TRPC5: variants seen among roughly 807,000 people sequenced by gnomAD.
The protein encoded by TRPC5 is transient receptor potential cation channel subfamily C member 5.
Under a neutral mutation model 56.5 loss-of-function variants are expected in TRPC5, and 9 were observed. That is an observed-to-expected ratio of 0.16 (90% CI 0.10 to 0.28). The LOEUF is 0.28. Among genes scored for constraint, TRPC5 ranks in the 10% least tolerant of loss-of-function variants. The probability of loss-of-function intolerance (pLI) is 1.00; values close to 1 mark genes in which losing one functional copy is unlikely to be tolerated. For synonymous variants in TRPC5, 282 were observed against 278.5 expected, an observed-to-expected ratio of 1.01 and a Z score of -0.13; for missense variants, 469 against 748.9, an observed-to-expected ratio of 0.63 and a Z score of 4.36.
intron 1 of TRPC5, among the ~76,000 whole-genome samples, chrX:112,055,295 C>T (rs1930316317): frequency 8.9e-6 from 1 of 111,907 alleles, no homozygotes; most frequent in Admixed American, 9.5e-5. Flanking sequence ...ATAGGATGAG[C>T]TCTTTGTTAG....
At chrX:112,057,047 GT>G (rs1478210703) in intron 1 of TRPC5, among the ~76,000 whole-genome samples, 1 of 112,262 alleles carries the variant, frequency 8.9e-6, no homozygotes, top group Non-Finnish European at 1.9e-5. Flanking sequence ...GTAAACACTG[GT>G]TTTTGAATCT....
intron 1 of TRPC5, among the ~76,000 whole-genome samples, chrX:112,034,420 TA>T (rs1198621113): frequency 9.0e-6 from 1 of 110,533 alleles, no homozygotes. Context: ...AAATTATTTT[TA>T]TATTTTCTTT....
At chrX:112,016,160 A>G (rs1235918393) in intron 1 of TRPC5, among the ~76,000 whole-genome samples, 1 of 111,773 alleles carries the variant, frequency 8.9e-6, no homozygotes, top group African/African-American at 3.3e-5. Context: ...GGGAACAACT[A>G]GACAGAGATG....
chrX:111,839,897 G>A (rs1486002797), intron 6 of TRPC5, among the ~76,000 whole-genome samples: 1 of 111,079 alleles, frequency 9.0e-6, no homozygotes, highest in Non-Finnish European at 1.9e-5. Flanking sequence ...TTTTCAAAAT[G>A]CGGTGGCTCA....
At chrX:112,043,929 C>T (rs1487753118) in intron 1 of TRPC5, among the ~76,000 whole-genome samples, 1 of 110,616 alleles carries the variant, frequency 9.0e-6, no homozygotes, top group African/African-American at 3.3e-5. Flanking sequence ...ATTTTAGTCT[C>T]AGGATAAGAC....
intron 1 of TRPC5, among the ~76,000 whole-genome samples, chrX:112,039,390 C>T (rs1929836537): frequency 1.8e-5 from 2 of 111,641 alleles, no homozygotes; most frequent in Admixed American, 9.5e-5. Context: ...GGCTTTCACC[C>T]GGAGGTCTTG....
rs1484431334 is a variant in TRPC5 at position 111,773,012 on chromosome X, T to G, written c.*3301A>C. On this transcript the variant is annotated 3_prime_UTR_variant, in exon 11 of 11. Transcript: ENST00000262839. Reference sequence around the variant, plus strand: ...CTTTTTGGAAAAGGTATTAAGTCATTTGAAAAGTGGAGGCGTTCGTTTTTT... The same window carrying G: ...CTTTTTGGAAAAGGTATTAAGTCATGTGAAAAGTGGAGGCGTTCGTTTTTT... 8.9e-6 allele frequency among the ~76,000 whole-genome samples: 1 copy of G among 111,836 alleles called. No individual in the cohort carries two copies. The highest frequency in any genetic ancestry group is 1.9e-5 in the Non-Finnish European group (1 of 53,218).
intron 1 of TRPC5, among the ~76,000 whole-genome samples, chrX:112,074,662 T>A (rs1019940136): frequency 1.8e-5 from 2 of 111,590 alleles, no homozygotes; most frequent in African/African-American, 6.5e-5. Flanking sequence ...CATGATGCCC[T>A]ACTTGGCCAC....
intron 3 of TRPC5, among the ~76,000 whole-genome samples, chrX:111,870,524 A>G (rs1346084672): frequency 8.9e-6 from 1 of 111,988 alleles, no homozygotes; most frequent in Non-Finnish European, 1.9e-5. Context: ...CAACCCTACT[A>G]TAATCAAACA....
At chrX:111,946,591 G>A (rs1926939117) in intron 2 of TRPC5, among the ~76,000 whole-genome samples, 1 of 112,084 alleles carries the variant, frequency 8.9e-6, no homozygotes, top group Non-Finnish European at 1.9e-5. Flanking sequence ...CTGTAATGAA[G>A]CTAAATCAAG....
At chrX:112,069,852 G>GC (rs1930674883) in intron 1 of TRPC5, among the ~76,000 whole-genome samples, 1 of 111,361 alleles carries the variant, frequency 9.0e-6, no homozygotes, top group Non-Finnish European at 1.9e-5. Flanking sequence ...CTTGTGTCCT[G>GC]CATCTCTCAA....
chrX:111,989,825 A>T (rs754309891), intron 1 of TRPC5, among the ~76,000 whole-genome samples: 14 of 112,520 alleles, frequency 1.2e-4, no homozygotes, highest in Middle Eastern at 4.6e-3. Flanking sequence ...ATACTGTATG[A>T]TATCTTTGAA....
At chrX:111,991,267 C>T (rs1358264280) in intron 1 of TRPC5, among the ~76,000 whole-genome samples, 2 of 112,103 alleles carry the variant, frequency 1.8e-5, no homozygotes, top group African/African-American at 3.2e-5. Context: ...CCATTTTCCT[C>T]TGGGCCTACA....
At chrX:111,967,932 A>G (rs1237960268) in intron 1 of TRPC5, among the ~76,000 whole-genome samples, 1 of 111,128 alleles carries the variant, frequency 9.0e-6, no homozygotes, top group East Asian at 2.8e-4. Context: ...TCATGTCTAA[A>G]ACACCAAAAG....
intron 1 of TRPC5, among the ~76,000 whole-genome samples, chrX:111,956,509 A>G (rs10521539): frequency 0.08 from 8,870 of 110,705 alleles, 355 homozygotes; most frequent in Non-Finnish European, 0.12. Context: ...GCTTAAAACC[A>G]TACTTCTCCT....
rs772455896 is a variant in TRPC5, at chrX:111,775,659, AAACT to A, written c.*650_*653del. ...AAATATTTCATTGGCACACATTAGG[AAACT>A]AACACATCTTTAAGAAACAAGAAAA... On this transcript the variant is annotated 3_prime_UTR_variant, in exon 11 of 11. Transcript: ENST00000262839. 4.1e-4 allele frequency: 46 copies of A among 112,555 alleles called. No individual in the cohort carries two copies. Among genetic ancestry groups the A allele is most frequent in the African/African-American group, 1.5e-3 (45 of 30,920 alleles). 9.3% of individuals were successfully genotyped at this position (112,555 alleles called of 1,213,427 possible). A position where few individuals can be genotyped will look rare whatever the true frequency, so the allele number is the denominator to read the frequency against.
At chrX:111,788,810 C>G (rs143668427) in intron 7 of TRPC5, among the ~76,000 whole-genome samples, 1,188 of 111,724 alleles carry the variant, frequency 0.011, 9 homozygotes, top group Non-Finnish European at 0.018. Context: ...AACTCCCATT[C>G]ACAATTGCTG....
intron 6 of TRPC5, among the ~76,000 whole-genome samples, chrX:111,839,081 T>A (rs1922650149): frequency 8.9e-6 from 1 of 111,741 alleles, no homozygotes; most frequent in Non-Finnish European, 1.9e-5. Context: ...CCTTACCCAT[T>A]CCACAGTTCC....
At chrX:111,967,479 A>C (rs987668387) in intron 1 of TRPC5, among the ~76,000 whole-genome samples, 8 of 111,834 alleles carry the variant, frequency 7.2e-5, no homozygotes, top group African/African-American at 2.6e-4. Context: ...GAAAAAAACT[A>C]CTTTAAAGTT....
Sources: allele counts gnomAD v4.1 joint callset (sites outside exome capture counted in the v4.1 genomes callset), GRCh38; gene constraint gnomAD v4.1.1; transcripts MANE v1.5; gene names NCBI Gene and HGNC (gene_info 2026-07-23, HGNC 2026-07-21).